The following ZNF609 variants were observed in gnomAD, a reference collection of about 807,000 sequenced individuals.
ZNF609 encodes zinc finger protein 609.
ZNF609 carries 11 observed loss-of-function variants against 109.5 expected under a neutral mutation model. That is an observed-to-expected ratio of 0.10 (90% CI 0.06 to 0.17). The LOEUF is 0.17. Ranked by LOEUF, ZNF609 falls within the 10% of genes least tolerant of loss-of-function variation. The pLI, the probability that ZNF609 is intolerant of heterozygous loss-of-function variation, is 1.00. For missense variants in ZNF609, 1,559 were observed against 1,772.4 expected (o/e 0.88, Z 2.16); for synonymous variants, 646 against 662.0 (o/e 0.98, Z 0.37).
intron 1 of ZNF609, among the ~76,000 whole-genome samples, chr15:64,481,303 G>C (rs1218639026): frequency 6.6e-6 from 1 of 151,110 alleles, no homozygotes; most frequent in Non-Finnish European, 1.5e-5. Context: ...AGAGAAGAAA[G>C]GCATCTTTCT....
chr15:64,460,207 A>G (rs991722944), upstream of ZNF609, among the ~76,000 whole-genome samples: 2 of 152,040 alleles, frequency 1.3e-5, no homozygotes, highest in African/African-American at 4.8e-5. Flanking sequence ...CTGTGGTTGA[A>G]GGACAACTAC....
chr15:64,610,869 G>A (rs556851572), intron 2 of ZNF609, among the ~76,000 whole-genome samples: 1 of 152,196 alleles, frequency 6.6e-6, no homozygotes, highest in East Asian at 1.9e-4. Context: ...CACGTTATAG[G>A]TTAAATAGAT....
At chr15:64,580,319 T>C (rs1895076827) in intron 2 of ZNF609, among the ~76,000 whole-genome samples, 1 of 152,174 alleles carries the variant, frequency 6.6e-6, no homozygotes, top group African/African-American at 2.4e-5. Context: ...ACTCCAGAAC[T>C]GTATGATAAT....
intron 2 of ZNF609, among the ~76,000 whole-genome samples, chr15:64,606,394 A>G (rs939266754): frequency 2.6e-5 from 4 of 151,602 alleles, no homozygotes; most frequent in Middle Eastern, 3.4e-3. Context: ...CCCCGTCTCT[A>G]CTAAAAATAC....
At chr15:64,503,602 C>T (rs1199722122) in intron 2 of ZNF609, among the ~76,000 whole-genome samples, 1 of 152,186 alleles carries the variant, frequency 6.6e-6, no homozygotes, top group East Asian at 1.9e-4. Flanking sequence ...TAAGGTGAGA[C>T]TCCTTCTTTT....
At chr15:64,561,177 C>T (rs1286489420) in intron 2 of ZNF609, among the ~76,000 whole-genome samples, 1 of 152,194 alleles carries the variant, frequency 6.6e-6, no homozygotes, top group Non-Finnish European at 1.5e-5. Flanking sequence ...TCAGCTCTTC[C>T]ATACTCCTTT....
At chr15:64,478,525 C>CA (rs765631559) in intron 1 of ZNF609, among the ~76,000 whole-genome samples, 5 of 151,994 alleles carry the variant, frequency 3.3e-5, no homozygotes, top group Non-Finnish European at 5.9e-5. Context: ...TGCCTGCCAC[C>CA]AAGCCCGGCT....
Position 64,500,177 on chromosome 15 carries a change from GC to G in ZNF609, c.747+13del. On this transcript the variant is annotated intron_variant, in intron 2 of 9. Coordinates refer to ENST00000326648, the MANE Select transcript of ZNF609 (RefSeq NM_015042.2). ...GTCAAGTCTGAAAAGGTAAGAGGTG[GC>G]CAGATATGGCTGCCCACTGACTGCC... The G allele has an allele frequency of 6.2e-7, 1 of 1,611,128 alleles. No homozygotes were observed. Among genetic ancestry groups the G allele is most frequent in the Non-Finnish European group, 8.5e-7 (1 of 1,179,464 alleles).
In ZNF609 at chr15:64,668,011, A is replaced by C. The variant is rs1896675463; in HGVS notation, c.974-2335A>C. 2.0e-5 allele frequency among the ~76,000 whole-genome samples: 3 copies of C among 152,210 alleles called. No homozygotes were observed. The South Asian group carries it at 6.2e-4, about 32-fold the overall frequency. Reference sequence around the variant, plus strand: ...AGCTGCCTCCTGATTCATTATTAGAATAGAAGTGTGATATCCTAAATTTCA... The same window carrying C: ...AGCTGCCTCCTGATTCATTATTAGACTAGAAGTGTGATATCCTAAATTTCA... On this transcript the variant is annotated intron_variant, in intron 3 of 9. Coordinates refer to ENST00000326648, the MANE Select transcript of ZNF609 (RefSeq NM_015042.2).
At chr15:64,559,295 T>C (rs1468707254) in intron 2 of ZNF609, among the ~76,000 whole-genome samples, 1 of 152,140 alleles carries the variant, frequency 6.6e-6, no homozygotes, top group African/African-American at 2.4e-5. Flanking sequence ...GTCCTGAAGA[T>C]AAAAACAGAA....
chr15:64,673,217 G>T (rs1015297855), intron 4 of ZNF609, among the ~76,000 whole-genome samples: 1 of 152,152 alleles, frequency 6.6e-6, no homozygotes, highest in Non-Finnish European at 1.5e-5. Flanking sequence ...CAATAGCTAT[G>T]GTTCCCACTG....
At chr15:64,551,643 ACT>A (rs1339947455) in intron 2 of ZNF609, among the ~76,000 whole-genome samples, 5 of 134,540 alleles carry the variant, frequency 3.7e-5, no homozygotes, top group African/African-American at 1.5e-4. Flanking sequence ...CAAGAGTGAA[ACT>A]CTGTCTCAAA....
chr15:64,557,315 G>T (rs1894606095), intron 2 of ZNF609, among the ~76,000 whole-genome samples: 1 of 151,870 alleles, frequency 6.6e-6, no homozygotes, highest in African/African-American at 2.4e-5. Flanking sequence ...AAATAATCAG[G>T]AACTGGTTCA....
intron 2 of ZNF609, among the ~76,000 whole-genome samples, chr15:64,521,295 G>T (rs1358135514): frequency 6.6e-6 from 1 of 152,254 alleles, no homozygotes; most frequent in Non-Finnish European, 1.5e-5. Context: ...TGCCAACAAA[G>T]TCTCTCATCC....
At chr15:64,664,635 A>T (rs976621596) in intron 3 of ZNF609, among the ~76,000 whole-genome samples, 1 of 152,242 alleles carries the variant, frequency 6.6e-6, no homozygotes, top group Non-Finnish European at 1.5e-5. Context: ...CTGTCGTCCT[A>T]TTCTCCAGCT....
intron 3 of ZNF609, among the ~76,000 whole-genome samples, chr15:64,635,663 C>T (rs1264796770): frequency 6.6e-6 from 1 of 152,182 alleles, no homozygotes; most frequent in Non-Finnish European, 1.5e-5. Context: ...CAGGTCCTGG[C>T]CCTGCCCTAT....
intron 3 of ZNF609, among the ~76,000 whole-genome samples, chr15:64,650,974 G>A (rs1951893477): frequency 6.6e-6 from 1 of 152,070 alleles, no homozygotes; most frequent in Admixed American, 6.6e-5. Flanking sequence ...AGCCAATTTG[G>A]CAGTCTAGAA....
At chr15:64,666,753 T>A (rs949060783) in intron 3 of ZNF609, among the ~76,000 whole-genome samples, 1 of 151,948 alleles carries the variant, frequency 6.6e-6, no homozygotes, top group South Asian at 2.1e-4. Flanking sequence ...TGACCTCAAG[T>A]GATCACTCGC....
intron 3 of ZNF609, among the ~76,000 whole-genome samples, chr15:64,625,159 T>C (rs61667624): frequency 0.043 from 6,581 of 152,262 alleles, 478 homozygotes; most frequent in African/African-American, 0.15. Context: ...ATGTGTATCT[T>C]TTCTACTGTG....
Sources: allele counts gnomAD v4.1 joint callset (sites outside exome capture counted in the v4.1 genomes callset), GRCh38; gene constraint gnomAD v4.1.1; transcripts MANE v1.5; gene names NCBI Gene and HGNC (gene_info 2026-07-23, HGNC 2026-07-21).